The following C5orf15 variants were observed in gnomAD, a reference collection of about 807,000 sequenced individuals.
The protein encoded by C5orf15 is chromosome 5 open reading frame 15.
In C5orf15, 10 loss-of-function variants were observed where a neutral mutation model predicts 17.8. The observed-to-expected ratio is 0.56, with a 90% confidence interval of 0.35 to 0.95. The LOEUF (loss-of-function observed/expected upper bound fraction) is 0.95. Ranked by LOEUF, C5orf15 falls within the 40% of genes least tolerant of loss-of-function variation. The pLI is 0.02. For synonymous variants in C5orf15, 124 were observed against 131.0 expected (o/e 0.95, Z 0.36); for missense variants, 319 against 331.7 (o/e 0.96, Z 0.30).
Position 133,956,952 on chromosome 5 carries a change from G to A in C5orf15, c.705C>T (p.Gly235=). The change falls in exon 3 of 3, where the codon GGC becomes GGT. Residue 235 remains glycine, a synonymous_variant. Coordinates refer to ENST00000231512, the MANE Select transcript of C5orf15 (RefSeq NM_020199.3). ...GGTATTCCACTGTTTTGGAACAAAG[G>A]CCATCACGCCATTTCCTGCTTTGAA... ...LLVQSRKWRD[G]LCSKTVEYHR... 1 of 1,611,006 alleles carries A rather than the reference G, an allele frequency of 6.2e-7. No individual in the cohort carries two copies. Among genetic ancestry groups the A allele is most frequent in the Non-Finnish European group, 8.5e-7 (1 of 1,179,230 alleles).
rs191875419 is a variant in C5orf15 at position 133,960,765 on chromosome 5, T to C, written c.140-745A>G. Among the ~76,000 whole-genome samples, 298 of 152,284 alleles carry C rather than the reference T, an allele frequency of 2.0e-3. 2 individuals are homozygous for C. Among genetic ancestry groups the C allele is most frequent in the African/African-American group, 7.0e-3 (293 of 41,568 alleles). On this transcript the variant is annotated intron_variant, in intron 1 of 2. Transcript: ENST00000231512. ...TCCCTGTGCTGCTACCTACTCAGCA[T>C]AGTTTACTAAAGGTAAAATTCTTTA...
Position 133,959,959 on chromosome 5 carries a change from A to C in C5orf15, c.201T>G (p.Asn67Lys). Residue 67 changes from asparagine (N) to lysine (K), a missense_variant, in exon 2 of 3, where the codon AAT (asparagine) becomes AAG (lysine). Around this residue, in one of 3 missense-constraint regions of C5orf15, gnomAD observed 127 missense variants for 95.6 expected, o/e 1.33. Transcript: ENST00000231512. Reference protein sequence around the residue: ...TVLNSHISTPNVNALTHENQT... With the variant: ...TVLNSHISTPKVNALTHENQT... ...GGTTTTCATGTGTTAAAGCATTCACATTTGGGGTAGAAATATGTGAGTTGA... is the reference window on the plus strand; with the variant it reads ...GGTTTTCATGTGTTAAAGCATTCACCTTTGGGGTAGAAATATGTGAGTTGA... The C allele has an allele frequency of 6.2e-7, 1 of 1,614,058 alleles. No individual in the cohort carries two copies. The highest frequency in any genetic ancestry group is 8.5e-7 in the Non-Finnish European group (1 of 1,179,986).
In C5orf15 at chr5:133,968,536, G is replaced by C. The variant is rs1050192937; in HGVS notation, c.49C>G (p.Leu17Val). ...GCTTGGATGGCCGACCCGGGCAGCA[G>C]TTTCGCTTGTGCTGGCCCCCTCATC... ...KRMRGPAQAK[L>V]LPGSAIQALV... Residue 17 changes from leucine (L) to valine (V), a missense_variant, in exon 1 of 3, where the codon CTG (leucine) becomes GTG (valine). Around this residue, in one of 3 missense-constraint regions of C5orf15, gnomAD observed 127 missense variants for 95.6 expected, o/e 1.33. Coordinates refer to ENST00000231512, the MANE Select transcript of C5orf15 (RefSeq NM_020199.3). The C allele has an allele frequency of 1.2e-6, 2 of 1,609,478 alleles. No homozygotes were observed. Among genetic ancestry groups the C allele is most frequent in the Non-Finnish European group, 1.7e-6 (2 of 1,178,476 alleles).
chr5:133,958,946 G>T (rs1752077922), intron 2 of C5orf15, among the ~76,000 whole-genome samples: 2 of 151,750 alleles, frequency 1.3e-5, no homozygotes, highest in African/African-American at 2.4e-5. Flanking sequence ...TAAGAAATAG[G>T]ACTATTTCTT....
Position 133,959,579 on chromosome 5 carries a change from T to C in C5orf15, c.581A>G (p.Glu194Gly), listed in dbSNP as rs141843518. The C allele has an allele frequency of 7.9e-5, 127 of 1,609,052 alleles. No individual in the cohort carries two copies. The African/African-American group carries it at 1.6e-3, about 21-fold the overall frequency. The part of the protein sequence containing the change: ...SFKMPSSNIE[E>G]EDSHFFFHLI... Reference sequence around the variant, plus strand: ...ATGAAAAAAGAAATGGCTGTCTTCCTCTTCTATATTTGAGGATGGCATCTT... The same window carrying C: ...ATGAAAAAAGAAATGGCTGTCTTCCCCTTCTATATTTGAGGATGGCATCTT... The change falls in exon 2 of 3, where the codon GAG (glutamate) becomes GGG (glycine). Residue 194 changes from glutamate (E) to glycine (G), a missense_variant. By Grantham distance (98) the Glu-to-Gly change is moderately conservative. This residue lies in a region of C5orf15 where 175 missense variants were observed against 192.4 expected (regional missense o/e 0.91). Transcript: ENST00000231512.
In C5orf15 at chr5:133,965,675, T is replaced by C. The variant is rs557055998; in HGVS notation, c.139+2771A>G. Among the ~76,000 whole-genome samples, 3 of 152,266 alleles carry C rather than the reference T, an allele frequency of 2.0e-5. No homozygotes were observed. The South Asian group carries it at 6.2e-4, about 32-fold the overall frequency. Reference sequence around the variant, plus strand: ...ACACGGTGGCTCACGCCTGTAACCCTAGCACTTTGGGAGGCCAGGGCAAGT... The same window carrying C: ...ACACGGTGGCTCACGCCTGTAACCCCAGCACTTTGGGAGGCCAGGGCAAGT... On this transcript the variant is annotated intron_variant, in intron 1 of 2. Transcript: ENST00000231512.
intron 2 of C5orf15, 72 bp downstream of exon 2, chr5:133,959,422 A>G (rs1752085390): frequency 1.4e-6 from 1 of 700,870 alleles, no homozygotes; most frequent in East Asian, 4.8e-5. Flanking sequence ...AAAAAAAAAA[A>G]AAAAAAGAAC....
At chr5:133,959,447 AG>A in intron 2 of C5orf15, 46 bp downstream of exon 2, 2 of 1,086,172 alleles carry the variant, frequency 1.8e-6, no homozygotes, top group Non-Finnish European at 1.3e-6. Context: ...AATCATCAAA[AG>A]CATTATGACT....
intron 1 of C5orf15, among the ~76,000 whole-genome samples, chr5:133,968,072 G>A (rs755579278): frequency 1.3e-5 from 2 of 151,690 alleles, no homozygotes; most frequent in African/African-American, 2.4e-5. Context: ...CTCTTCCAGA[G>A]TCTCCTAACT....
chr5:133,960,607 A>G (rs1399470718), intron 1 of C5orf15, among the ~76,000 whole-genome samples: 1 of 152,220 alleles, frequency 6.6e-6, no homozygotes, highest in Admixed American at 6.5e-5. Flanking sequence ...GATCCTTACA[A>G]AGAAGAAAAA....
At chr5:133,960,701 G>A (rs1273102948) in intron 1 of C5orf15, among the ~76,000 whole-genome samples, 1 of 152,146 alleles carries the variant, frequency 6.6e-6, no homozygotes, top group African/African-American at 2.4e-5. Context: ...AAGGCATCTA[G>A]GTATAGCAAA....
intron 1 of C5orf15, among the ~76,000 whole-genome samples, chr5:133,965,129 T>C (rs1752174180): frequency 1.3e-5 from 2 of 152,180 alleles, no homozygotes; most frequent in South Asian, 4.1e-4. Context: ...ACCTACTTAA[T>C]AGATAGCAGG....
At chr5:133,957,594 T>G (rs545927787) in intron 2 of C5orf15, among the ~76,000 whole-genome samples, 22 of 152,292 alleles carry the variant, frequency 1.4e-4, no homozygotes, top group African/African-American at 5.3e-4. Flanking sequence ...GGATATAATA[T>G]CAGCAGCACT....
intron 1 of C5orf15, among the ~76,000 whole-genome samples, chr5:133,963,502 G>C (rs569919403): frequency 6.6e-6 from 1 of 152,242 alleles, no homozygotes; most frequent in Admixed American, 6.5e-5. Context: ...AATAACACAA[G>C]AACACTCTGA....
At chr5:133,965,193 C>A (rs1305261470) in intron 1 of C5orf15, among the ~76,000 whole-genome samples, 1 of 152,114 alleles carries the variant, frequency 6.6e-6, no homozygotes, top group Non-Finnish European at 1.5e-5. Flanking sequence ...ACCACAAATC[C>A]CACACCACAT....
chr5:133,963,511 G>A (rs1224283608), intron 1 of C5orf15, among the ~76,000 whole-genome samples: 1 of 152,202 alleles, frequency 6.6e-6, no homozygotes, highest in Non-Finnish European at 1.5e-5. Context: ...AGAACACTCT[G>A]AAAGGTGGAA....
Position 133,968,426 on chromosome 5 carries a change from A to C in C5orf15, c.139+20T>G. On this transcript the variant is annotated intron_variant, in intron 1 of 2. Coordinates refer to ENST00000231512, the MANE Select transcript of C5orf15 (RefSeq NM_020199.3). ...GAGCCCTCCTAGCCTTCCTAAGCCC[A>C]CACTGCCGCCCCCCTTTACCACTGG... 6.2e-7 allele frequency: 1 copy of C among 1,600,250 alleles called. No homozygotes were observed. The highest frequency in any genetic ancestry group is 1.1e-5 in the South Asian group (1 of 88,710).
At chr5:133,962,897 T>G (rs1400828626) in intron 1 of C5orf15, among the ~76,000 whole-genome samples, 1 of 152,208 alleles carries the variant, frequency 6.6e-6, no homozygotes, top group Non-Finnish European at 1.5e-5. Context: ...CTGTGTCAGC[T>G]ATTATAATTG....
At chr5:133,960,448 T>C (rs1752107763) in intron 1 of C5orf15, among the ~76,000 whole-genome samples, 1 of 152,142 alleles carries the variant, frequency 6.6e-6, no homozygotes, top group Non-Finnish European at 1.5e-5. Context: ...CTCACTCAAG[T>C]AGGTCCCAAA....
Sources: gnomAD v4.1 joint callset for allele counts (sites outside exome capture counted in the v4.1 genomes callset) on GRCh38, gnomAD v4.1.1 for gene constraint, gnomAD v4.1.1 regional missense constraint, MANE v1.5 for transcripts, NCBI Gene and HGNC (gene_info 2026-07-23, HGNC 2026-07-21) for gene names.